Variants in PLA1A observed in about 807,000 individuals in gnomAD.
PLA1A encodes phospholipase A1 member A.
In PLA1A, 47 loss-of-function variants were observed where a neutral mutation model predicts 49.4. The ratio of observed to expected loss-of-function variants is 0.95; its 90% CI spans 0.75 to 1.21. The LOEUF (loss-of-function observed/expected upper bound fraction) is 1.21, where lower values mean the gene tolerates loss of function less well. Among genes scored for constraint, PLA1A ranks in the 50% most tolerant of loss-of-function variants. The pLI, the probability that PLA1A is intolerant of heterozygous loss-of-function variation, is 0.00. For synonymous variants in PLA1A, 224 were observed against 207.9 expected, an observed-to-expected ratio of 1.08 and a Z score of -0.67; for missense variants, 561 against 563.9, an observed-to-expected ratio of 0.99 and a Z score of 0.05.
intron 8 of PLA1A, among the ~76,000 whole-genome samples, chr3:119,624,512 G>C (rs1332711967): frequency 6.6e-6 from 1 of 152,084 alleles, no homozygotes; most frequent in African/African-American, 2.4e-5. Context: ...GCAAACAAGG[G>C]GAAGTAAAAC....
intron 8 of PLA1A, among the ~76,000 whole-genome samples, chr3:119,621,445 G>T (rs1362728383): frequency 6.6e-6 from 1 of 152,168 alleles, no homozygotes; most frequent in Non-Finnish European, 1.5e-5. Context: ...GGGTAGGGAG[G>T]GGGTAGGGAC....
At chr3:119,617,437 G>T (rs906785877) in intron 6 of PLA1A, among the ~76,000 whole-genome samples, 2 of 151,962 alleles carry the variant, frequency 1.3e-5, no homozygotes, top group Non-Finnish European at 2.9e-5. Context: ...AGGAGAGTTT[G>T]CATGATCATA....
Position 119,616,111 on chromosome 3 carries a change from C to A in PLA1A, c.754+10C>A. 6.3e-7 allele frequency: 1 copy of A among 1,584,502 alleles called. No individual in the cohort carries two copies. The highest frequency in any genetic ancestry group is 8.7e-7 in the Non-Finnish European group (1 of 1,153,142). On this transcript the variant is annotated intron_variant, in intron 6 of 10. Coordinates refer to ENST00000273371, the MANE Select transcript of PLA1A (RefSeq NM_015900.4). ...ACCTTCTTTTACGCAGGTCAGAAAG[C>A]CAGTACAATCTGGTATTTGGCAACC...
rs555716173 is a variant in PLA1A, at chr3:119,614,785, C to T, written c.665-1227C>T. The stretch of plus-strand genomic sequence containing the variant: ...ATTTATTCAATCAATATTTATTAAG[C>T]TACGTGGCAGGTACTGAGAATATGG... On this transcript the variant is annotated intron_variant, in intron 5 of 10. Coordinates refer to ENST00000273371, the MANE Select transcript of PLA1A (RefSeq NM_015900.4). Among the ~76,000 whole-genome samples the T allele has an allele frequency of 5.3e-5, 8 of 152,072 alleles. No homozygotes were observed. In the East Asian group the frequency reaches 1.4e-3, roughly 26 times the overall value.
chr3:119,620,756 G>T (rs1454306507), intron 8 of PLA1A, among the ~76,000 whole-genome samples: 2 of 152,142 alleles, frequency 1.3e-5, no homozygotes, highest in African/African-American at 2.4e-5. Flanking sequence ...GAAAATTTTT[G>T]GCTACCTCTT....
In PLA1A at chr3:119,606,826, C is replaced by T; in HGVS notation, c.126C>T (p.Asn42=). 6.2e-7 allele frequency: 1 copy of T among 1,614,170 alleles called. No homozygotes were observed. The highest frequency in any genetic ancestry group is 8.5e-7 in the Non-Finnish European group (1 of 1,180,028). Residue 42 remains asparagine, a synonymous_variant, in exon 2 of 11, where the codon AAC becomes AAT. Transcript: ENST00000273371. ...AGTGCGCTGACTTCCAGAGCGCCAA[C>T]CTTTTTGAAGGCACCGATCTCAAAG... The part of the protein sequence containing the change: ...QPKCADFQSA[N]LFEGTDLKVQ...
intron 8 of PLA1A, among the ~76,000 whole-genome samples, chr3:119,622,420 G>T (rs552252702): frequency 1.3e-5 from 2 of 152,312 alleles, no homozygotes; most frequent in African/African-American, 4.8e-5. Context: ...TAACATCTGA[G>T]AAGGAGAGAC....
intron 1 of PLA1A, chr3:119,600,260 A>C: frequency 1.6e-6 from 1 of 626,326 alleles, no homozygotes; most frequent in Non-Finnish European, 2.9e-6. Flanking sequence ...ACAATCTTTC[A>C]TGACAACCCC....
intron 8 of PLA1A, among the ~76,000 whole-genome samples, chr3:119,623,137 A>C (rs928204170): frequency 1.4e-5 from 2 of 143,646 alleles, no homozygotes; most frequent in Admixed American, 7.1e-5. Flanking sequence ...CTTTTCTTAA[A>C]ATTTTTAATT....
At chr3:119,598,279 G>T (rs1367757055) in intron 1 of PLA1A, among the ~76,000 whole-genome samples, 1 of 151,996 alleles carries the variant, frequency 6.6e-6, no homozygotes, top group Non-Finnish European at 1.5e-5. Flanking sequence ...AATAAAATTT[G>T]GTTAATTCTA....
intron 5 of PLA1A, among the ~76,000 whole-genome samples, chr3:119,615,809 A>G (rs773755522): frequency 6.6e-6 from 1 of 151,496 alleles, no homozygotes; most frequent in Non-Finnish European, 1.5e-5. Context: ...GAGAGAGCGA[A>G]AAAAGAAAGC....
intron 5 of PLA1A, among the ~76,000 whole-genome samples, chr3:119,613,762 G>A (rs909010069): frequency 2.0e-5 from 3 of 152,092 alleles, no homozygotes; most frequent in Non-Finnish European, 4.4e-5. Flanking sequence ...GCGTGGTGGC[G>A]GGCGCCTGTA....
intron 8 of PLA1A, among the ~76,000 whole-genome samples, chr3:119,620,394 G>T (rs556608350): frequency 6.6e-6 from 1 of 152,246 alleles, no homozygotes; most frequent in East Asian, 1.9e-4. Context: ...TCAGTGCAGG[G>T]ATCTTTGTGA....
chr3:119,620,280 G>A, intron 8 of PLA1A: 2 of 397,706 alleles, frequency 5.0e-6, no homozygotes, highest in African/African-American at 2.1e-5. Context: ...GTTATCCTGG[G>A]GTCCTGTTTG....
At chr3:119,606,387 C>G (rs1218745918) in intron 1 of PLA1A, among the ~76,000 whole-genome samples, 1 of 152,160 alleles carries the variant, frequency 6.6e-6, no homozygotes, top group Non-Finnish European at 1.5e-5. Flanking sequence ...CTCTGTTGGC[C>G]TCTTTTTAAC....
At position 119,629,498 on chromosome 3, in the gene PLA1A, A is replaced by ATATAT; in HGVS notation, c.*31_*32insATATT. The ATATAT allele has an allele frequency of 1.1e-6, 1 of 876,098 alleles. No homozygotes were observed. The highest frequency in any genetic ancestry group is 1.8e-6 in the Non-Finnish European group (1 of 566,666). The allele number at this position is 876,098 out of a possible 1,614,324, so 54.3% of individuals were successfully genotyped here. A position where few individuals can be genotyped will look rare whatever the true frequency, so the allele number is the denominator to read the frequency against. Reference sequence around the variant, plus strand: ...ACCTGGGCAGGACACATCTCCCTGCATTTTTTTTTTTTTTTTGAGAGAGAG... The same window carrying ATATAT: ...ACCTGGGCAGGACACATCTCCCTGCATATATTTTTTTTTTTTTTTTTGAGAGAGAG... On this transcript the variant is annotated 3_prime_UTR_variant, in exon 11 of 11. Coordinates refer to ENST00000273371, the MANE Select transcript of PLA1A (RefSeq NM_015900.4).
intron 4 of PLA1A, among the ~76,000 whole-genome samples, chr3:119,611,211 T>C (rs1180727957): frequency 6.6e-6 from 1 of 152,232 alleles, no homozygotes; most frequent in Non-Finnish European, 1.5e-5. Flanking sequence ...ACTGTTTTGG[T>C]TACTGTAGGC....
chr3:119,616,777 A>T (rs1259359417), intron 6 of PLA1A, among the ~76,000 whole-genome samples: 1 of 152,270 alleles, frequency 6.6e-6, no homozygotes, highest in Non-Finnish European at 1.5e-5. Context: ...TTCCAAAAAC[A>T]TGCTTCTTTT....
intron 1 of PLA1A, among the ~76,000 whole-genome samples, chr3:119,602,614 G>T (rs1488317162): frequency 6.6e-6 from 1 of 152,102 alleles, no homozygotes; most frequent in Non-Finnish European, 1.5e-5. Context: ...GGCTCTTTGT[G>T]TGTGACAGGT....
Sources: gnomAD v4.1 joint callset for allele counts (sites outside exome capture counted in the v4.1 genomes callset) on GRCh38, gnomAD v4.1.1 for gene constraint, MANE v1.5 for transcripts, NCBI Gene and HGNC (gene_info 2026-07-23, HGNC 2026-07-21) for gene names.